The following SLC9A4 variants were observed in gnomAD, a reference collection of about 807,000 sequenced individuals.
SLC9A4 encodes solute carrier family 9 member A4.
A neutral mutation model predicts 67.4 loss-of-function variants in SLC9A4; 63 were observed. That is an observed-to-expected ratio of 0.93 (90% CI 0.76 to 1.15). The LOEUF (loss-of-function observed/expected upper bound fraction) is 1.15, where lower values mean the gene tolerates loss of function less well. Ranked by LOEUF, SLC9A4 falls within the 50% of genes most tolerant of loss-of-function variation. The probability of loss-of-function intolerance (pLI) is 0.00; values close to 1 mark genes in which losing one functional copy is unlikely to be tolerated. For synonymous variants in SLC9A4, 393 were observed against 367.2 expected, an observed-to-expected ratio of 1.07 and a Z score of -0.80; for missense variants, 1,089 against 987.7, an observed-to-expected ratio of 1.10 and a Z score of -1.38.
chr2:102,513,114 G>A (rs77335368), intron 7 of SLC9A4, among the ~76,000 whole-genome samples: 4,190 of 152,238 alleles, frequency 0.028, 73 homozygotes, highest in South Asian at 0.052. Flanking sequence ...TTATGGTTGG[G>A]GAGGTGATTA....
chr2:102,530,704 A>G (rs539554045), intron 11 of SLC9A4, among the ~76,000 whole-genome samples: 1 of 152,350 alleles, frequency 6.6e-6, no homozygotes, highest in Non-Finnish European at 1.5e-5. Context: ...TCAAGCACCA[A>G]GGATCCAGAG....
chr2:102,527,317 A>G (rs1253738750), intron 11 of SLC9A4, among the ~76,000 whole-genome samples: 1 of 152,198 alleles, frequency 6.6e-6, no homozygotes, highest in Non-Finnish European at 1.5e-5. Flanking sequence ...AAAGCAAAGT[A>G]TAGTCATTGT....
chr2:102,514,478 G>A (rs1685234385), intron 8 of SLC9A4, among the ~76,000 whole-genome samples: 1 of 152,146 alleles, frequency 6.6e-6, no homozygotes, highest in Admixed American at 6.5e-5. Context: ...TGCTTCCTTA[G>A]AGTTGTATGA....
intron 11 of SLC9A4, among the ~76,000 whole-genome samples, chr2:102,526,943 T>C (rs758057215): frequency 6.6e-5 from 10 of 152,210 alleles, no homozygotes; most frequent in African/African-American, 9.6e-5. Flanking sequence ...ATATATGTAA[T>C]ATGCCGTGTT....
chr2:102,498,850 T>C (rs1684863729), intron 2 of SLC9A4, among the ~76,000 whole-genome samples: 1 of 152,242 alleles, frequency 6.6e-6, no homozygotes. Flanking sequence ...AAAGTGTGAT[T>C]GATACACAAA....
chr2:102,496,007 A>G (rs905043179), intron 2 of SLC9A4, among the ~76,000 whole-genome samples: 3 of 152,160 alleles, frequency 2.0e-5, no homozygotes, highest in East Asian at 3.8e-4. Flanking sequence ...ATCAAAACAC[A>G]CACAAAAAAG....
rs1396122834 is a variant in SLC9A4, at chr2:102,479,038, T to G, written c.456T>G (p.Phe152Leu). ...GGYFMPTRPF[F>L]ENIGSILWWA... ...ACTTCATGCCCACCCGGCCCTTCTT[T>G]GAGAACATCGGCTCCATCCTGTGGT... is the stretch of plus-strand genomic sequence containing the variant. The change falls in exon 2 of 12, where the codon TTT becomes TTG. Residue 152 changes from phenylalanine to leucine, a missense_variant. By Grantham distance (22) the Phe-to-Leu change is conservative. Transcript: ENST00000295269. The G allele has an allele frequency of 6.2e-7, 1 of 1,614,146 alleles. No individual in the cohort carries two copies. The highest frequency in any genetic ancestry group is 2.2e-5 in the East Asian group (1 of 44,870).
rs1310731326 is a variant in SLC9A4, at chr2:102,503,520, G to T, written c.793G>T (p.Ala265Ser). 1 of 1,613,992 alleles carries T rather than the reference G, an allele frequency of 6.2e-7. No individual in the cohort carries two copies. The highest frequency in any genetic ancestry group is 8.5e-7 in the Non-Finnish European group (1 of 1,180,012). ...FEDIETVDIL[A>S]GCARFIVVGL... ...AGACATAGAAACTGTCGACATTTTG[G>T]CTGGATGTGCCCGATTCATCGTTGT... The change falls in exon 3 of 12, where the codon GCT (alanine) becomes TCT (serine). Residue 265 changes from alanine (A) to serine (S), a missense_variant. Transcript: ENST00000295269.
chr2:102,487,872 G>A (rs1243115506), intron 2 of SLC9A4, among the ~76,000 whole-genome samples: 5 of 152,174 alleles, frequency 3.3e-5, no homozygotes, highest in South Asian at 4.1e-4. Flanking sequence ...GCAGAAAAGC[G>A]CATGGGAGAA....
chr2:102,504,428 G>A (rs1685007544), intron 3 of SLC9A4, among the ~76,000 whole-genome samples: 1 of 152,186 alleles, frequency 6.6e-6, no homozygotes, highest in Non-Finnish European at 1.5e-5. Flanking sequence ...GCTCTTCAGT[G>A]TGTGATGAAA....
At chr2:102,514,457 C>T (rs892325518) in intron 8 of SLC9A4, among the ~76,000 whole-genome samples, 7 of 152,210 alleles carry the variant, frequency 4.6e-5, no homozygotes, top group Non-Finnish European at 8.8e-5. Flanking sequence ...AAATTACTTT[C>T]TAGCAAATGT....
In SLC9A4 at chr2:102,533,743, G is replaced by A. The variant is rs1674828271; in HGVS notation, c.*1055G>A. On this transcript the variant is annotated 3_prime_UTR_variant, in exon 12 of 12. Transcript: ENST00000295269. Reference sequence around the variant, plus strand: ...CCACCTATGAGTGAGAATATGCGGTGTTTGGTTTTTTGTTCTTGGGATAGT... The same window carrying A: ...CCACCTATGAGTGAGAATATGCGGTATTTGGTTTTTTGTTCTTGGGATAGT... The A allele has an allele frequency of 6.7e-6, 1 of 148,644 alleles. No individual in the cohort carries two copies. Among genetic ancestry groups the A allele is most frequent in the African/African-American group, 2.5e-5 (1 of 40,210 alleles). The allele number at this position is 148,644 out of a possible 1,614,324, so 9.2% of individuals were successfully genotyped here. A position where few individuals can be genotyped will look rare whatever the true frequency, so the allele number is the denominator to read the frequency against.
chr2:102,514,213 T>A lies in SLC9A4; in HGVS notation c.1683T>A (p.Thr561=). 1 of 1,614,122 alleles carries A rather than the reference T, an allele frequency of 6.2e-7. No homozygotes were observed. The highest frequency in any genetic ancestry group is 8.5e-7 in the Non-Finnish European group (1 of 1,179,994). ...AGCAAGCCATCGAGATGGTGGAGAC[T>A]GGGATACTGAGCTCTACAGCTTTCT... ...EMKQAIEMVE[T]GILSSTAFSI... is the part of the protein sequence containing the mutation. Residue 561 remains threonine (T), a synonymous_variant, in exon 8 of 12, where the codon ACT becomes ACA. Coordinates refer to ENST00000295269, the MANE Select transcript of SLC9A4 (RefSeq NM_001011552.4).
chr2:102,487,376 G>C (rs540086652), intron 2 of SLC9A4, among the ~76,000 whole-genome samples: 3 of 152,240 alleles, frequency 2.0e-5, no homozygotes, highest in East Asian at 3.9e-4. Flanking sequence ...AGTGTTGCAG[G>C]GGGCAGAGGT....
chr2:102,510,314 G>T (rs1325124785), intron 6 of SLC9A4, among the ~76,000 whole-genome samples: 1 of 62,634 alleles, frequency 1.6e-5, no homozygotes, highest in Admixed American at 1.7e-4. Context: ...GATATAGGAA[G>T]AGATTTGTTG....
At chr2:102,476,358 A>T (rs556033669) in intron 1 of SLC9A4, among the ~76,000 whole-genome samples, 2 of 152,340 alleles carry the variant, frequency 1.3e-5, no homozygotes, top group Non-Finnish European at 2.9e-5. Flanking sequence ...TAAGGCCTGA[A>T]ACTGTAAATT....
chr2:102,482,165 T>C (rs962401453), intron 2 of SLC9A4, among the ~76,000 whole-genome samples: 8 of 152,200 alleles, frequency 5.3e-5, no homozygotes, highest in Non-Finnish European at 1.0e-4. Flanking sequence ...CAGACTGTCA[T>C]AGGATTCAGA....
chr2:102,478,801 C>A, intron 1 of SLC9A4, 38 bp from the exon 2 acceptor site: 1 of 1,589,194 alleles, frequency 6.3e-7, no homozygotes, highest in Non-Finnish European at 8.6e-7. Flanking sequence ...CAGACCGTTT[C>A]GTTTGCAAGC....
chr2:102,518,435 G>A (rs116209639), intron 8 of SLC9A4, among the ~76,000 whole-genome samples: 1 of 152,166 alleles, frequency 6.6e-6, no homozygotes, highest in Non-Finnish European at 1.5e-5. Context: ...TAAATGTTAT[G>A]TGAAGGACAT....
Sources: allele counts gnomAD v4.1 joint callset (sites outside exome capture counted in the v4.1 genomes callset), GRCh38; gene constraint gnomAD v4.1.1; transcripts MANE v1.5; gene names NCBI Gene and HGNC (gene_info 2026-07-23, HGNC 2026-07-21).